BLTP3A: variants seen among roughly 807,000 people sequenced by gnomAD.
The protein encoded by BLTP3A is bridge-like lipid transfer protein family member 3A, also known as ICBP90 binding protein 1.
chr6:34,843,902 A>G, the BLTP3A span, among the ~76,000 whole-genome samples: 5 of 116,772 alleles, frequency 4.3e-5, no homozygotes, highest in South Asian at 4.7e-4. Flanking sequence ...CTTTGCCACC[A>G]TTCATTTTTG....
At chr6:34,860,325 A>G in the BLTP3A span, among the ~76,000 whole-genome samples, 1 of 152,180 alleles carries the variant, frequency 6.6e-6, no homozygotes, top group Admixed American at 6.5e-5. Context: ...GTGGAAAAGT[A>G]TCGATTTTCC....
the BLTP3A span, among the ~76,000 whole-genome samples, chr6:34,833,879 G>A: frequency 1.5e-5 from 2 of 130,814 alleles, no homozygotes; most frequent in South Asian, 2.4e-4. Flanking sequence ...CCGAGATCGC[G>A]CCACTGCACT....
chr6:34,806,304 A>G, the BLTP3A span, among the ~76,000 whole-genome samples: 2 of 152,104 alleles, frequency 1.3e-5, no homozygotes, highest in Non-Finnish European at 2.9e-5. Context: ...TTTATTTTAA[A>G]TTCTTATTTG....
chr6:34,834,713 C>T, the BLTP3A span: 5 of 1,612,896 alleles, frequency 3.1e-6, no homozygotes, highest in Non-Finnish European at 4.2e-6. Flanking sequence ...TACTTTCTCT[C>T]CTTCCAGGTT....
chr6:34,820,265 A>G, the BLTP3A span, among the ~76,000 whole-genome samples: 1 of 151,126 alleles, frequency 6.6e-6, no homozygotes, highest in Admixed American at 6.6e-5. Context: ...TCTCATCCCT[A>G]TCTTGCTCAT....
chr6:34,864,309 A>G, the BLTP3A span: 1 of 1,103,360 alleles, frequency 9.1e-7, no homozygotes, highest in Non-Finnish European at 1.3e-6. Flanking sequence ...TAATATAGAC[A>G]TTTTCTTAAT....
the BLTP3A span, chr6:34,859,407 A>G: frequency 6.2e-7 from 1 of 1,614,158 alleles, no homozygotes; most frequent in Non-Finnish European, 8.5e-7. Context: ...TTGAGGGAGA[A>G]TTGTCAAGTG....
the BLTP3A span, among the ~76,000 whole-genome samples, chr6:34,868,525 C>T: frequency 4.0e-5 from 6 of 151,774 alleles, no homozygotes; most frequent in Admixed American, 1.3e-4. Flanking sequence ...GAATTTGAAA[C>T]CACCCTGGCC....
chr6:34,848,255 G>T, the BLTP3A span, among the ~76,000 whole-genome samples: 2 of 150,216 alleles, frequency 1.3e-5, no homozygotes, highest in Non-Finnish European at 3.0e-5. Context: ...GTGCACTCCA[G>T]CCCAGGCAAC....
chr6:34,835,500 G>A, the BLTP3A span: 1 of 1,599,862 alleles, frequency 6.3e-7, no homozygotes, highest in Non-Finnish European at 8.5e-7. Flanking sequence ...GTGGGGCTAG[G>A]GACTCAGTAG....
chr6:34,808,487 GA>G, the BLTP3A span, among the ~76,000 whole-genome samples: 3 of 151,810 alleles, frequency 2.0e-5, no homozygotes, highest in Non-Finnish European at 4.4e-5. Context: ...ACTGATCAAG[GA>G]AAAAAGAGAA....
chr6:34,822,650 GT>G, the BLTP3A span, among the ~76,000 whole-genome samples: 9 of 152,028 alleles, frequency 5.9e-5, no homozygotes, highest in Admixed American at 5.9e-4. Context: ...GAGGTCAGGA[GT>G]TCAAGACCAG....
At chr6:34,834,342 T>C in the BLTP3A span, 1 of 1,613,948 alleles carries the variant, frequency 6.2e-7, no homozygotes, top group South Asian at 1.1e-5. Context: ...GGCTATAGTG[T>C]CAACCCCAAC....
At chr6:34,830,819 G>C in the BLTP3A span, among the ~76,000 whole-genome samples, 1 of 152,056 alleles carries the variant, frequency 6.6e-6, no homozygotes, top group Non-Finnish European at 1.5e-5. Context: ...TTTCCCTCTA[G>C]CATTGCATAA....
chr6:34,794,426 A>G, the BLTP3A span, among the ~76,000 whole-genome samples: 1 of 152,264 alleles, frequency 6.6e-6, no homozygotes. Context: ...TCAATAAAAC[A>G]TGAGGTATGG....
the BLTP3A span, among the ~76,000 whole-genome samples, chr6:34,830,341 C>T: frequency 1.6e-4 from 24 of 152,032 alleles, no homozygotes; most frequent in African/African-American, 5.1e-4. Flanking sequence ...GTAATCCCAG[C>T]ACTTTGGGAG....
At chr6:34,811,865 A>G in the BLTP3A span, among the ~76,000 whole-genome samples, 1 of 152,000 alleles carries the variant, frequency 6.6e-6, no homozygotes, top group Non-Finnish European at 1.5e-5. Flanking sequence ...TCAAAAACAA[A>G]TGAACAAACA....
chr6:34,830,729 A>C, the BLTP3A span, among the ~76,000 whole-genome samples: 1 of 152,218 alleles, frequency 6.6e-6, no homozygotes. Context: ...TATTTTATAT[A>C]CCTAGCAGTA....
the BLTP3A span, among the ~76,000 whole-genome samples, chr6:34,792,724 C>A: frequency 6.6e-6 from 1 of 152,212 alleles, no homozygotes; most frequent in Non-Finnish European, 1.5e-5. Flanking sequence ...CTCTGGCCTT[C>A]GGGCCCCTGC....
Sources: allele counts gnomAD v4.1 joint callset (sites outside exome capture counted in the v4.1 genomes callset), GRCh38; gene constraint gnomAD v4.1.1; transcripts MANE v1.5; gene names NCBI Gene and HGNC (gene_info 2026-07-23, HGNC 2026-07-21).